Variants in GSE1 observed in about 807,000 individuals in gnomAD.
The protein encoded by GSE1 is genetic suppressor element 1.
In GSE1, 32 loss-of-function variants were observed where a neutral mutation model predicts 112.6. That is an observed-to-expected ratio of 0.28 (90% CI 0.21 to 0.38). The LOEUF (loss-of-function observed/expected upper bound fraction) is 0.38, where lower values mean the gene tolerates loss of function less well. GSE1 is among the 10% of genes least tolerant of loss of function. The pLI is 1.00. For missense variants in GSE1, 2,348 were observed against 1,699.2 expected, an observed-to-expected ratio of 1.38 and a Z score of -6.71; for synonymous variants, 1,115 against 735.6, an observed-to-expected ratio of 1.52 and a Z score of -8.35.
chr16:85,449,509 A>G (rs1233749047), intron 2 of GSE1, among the ~76,000 whole-genome samples: 1 of 152,242 alleles, frequency 6.6e-6, no homozygotes, highest in Non-Finnish European at 1.5e-5. Flanking sequence ...TGAGAATCCA[A>G]TTTCCATAGG....
At chr16:85,538,867 C>T (rs554826026) in intron 2 of GSE1, among the ~76,000 whole-genome samples, 129 of 152,316 alleles carry the variant, frequency 8.5e-4, no homozygotes, top group Non-Finnish European at 1.5e-3. Context: ...CTCCCCATCT[C>T]CCACCAGTCC....
At chr16:85,549,620 G>T (rs551348030) in intron 2 of GSE1, among the ~76,000 whole-genome samples, 4 of 152,330 alleles carry the variant, frequency 2.6e-5, no homozygotes, top group African/African-American at 9.6e-5. Flanking sequence ...CTCCCACCAA[G>T]CAAAGGTAAA....
intron 1 of GSE1, among the ~76,000 whole-genome samples, chr16:85,325,558 T>C (rs936319517): frequency 2.0e-5 from 3 of 151,334 alleles, no homozygotes; most frequent in African/African-American, 4.9e-5. Flanking sequence ...TTCAAGTGGT[T>C]CTCCTGCCTC....
At chr16:85,617,707 A>G (rs929844903) in intron 1 of GSE1, among the ~76,000 whole-genome samples, 6 of 149,290 alleles carry the variant, frequency 4.0e-5, no homozygotes, top group African/African-American at 1.2e-4. Context: ...GAGCTTTTCA[A>G]TGCTTGGCCC....
At chr16:85,657,696 G>A (rs2052085696) in intron 8 of GSE1, 92 bp downstream of exon 8, 1 of 805,154 alleles carries the variant, frequency 1.2e-6, no homozygotes, top group Non-Finnish European at 1.8e-6. Flanking sequence ...CCAACATCCT[G>A]CCCCAGCGTT....
intron 1 of GSE1, among the ~76,000 whole-genome samples, chr16:85,264,510 C>T (rs1413043029): frequency 6.6e-6 from 1 of 152,160 alleles, no homozygotes; most frequent in Non-Finnish European, 1.5e-5. Flanking sequence ...CGACTCTCCT[C>T]TGCACCTGCC....
intron 2 of GSE1, among the ~76,000 whole-genome samples, chr16:85,409,380 G>T (rs1200861745): frequency 7.1e-5 from 2 of 28,248 alleles, no homozygotes; most frequent in African/African-American, 3.9e-4. Context: ...CAGGCCCCCT[G>T]GATAATCCTC....
At chr16:85,352,973 T>C (rs1474765043) in intron 1 of GSE1, among the ~76,000 whole-genome samples, 1 of 152,260 alleles carries the variant, frequency 6.6e-6, no homozygotes, top group Non-Finnish European at 1.5e-5. Context: ...GGCCAGGCAC[T>C]GTTCTAGAAC....
intron 2 of GSE1, among the ~76,000 whole-genome samples, chr16:85,493,544 G>A (rs963074259): frequency 1.3e-5 from 2 of 151,592 alleles, no homozygotes; most frequent in African/African-American, 2.4e-5. Flanking sequence ...TCCTGAGGTC[G>A]GGAGTTCAAG....
At chr16:85,638,879 C>T (rs1289358115) in intron 2 of GSE1, among the ~76,000 whole-genome samples, 1 of 152,226 alleles carries the variant, frequency 6.6e-6, no homozygotes. Flanking sequence ...CCGTCAATGG[C>T]TCTGGGCCGG....
intron 2 of GSE1, among the ~76,000 whole-genome samples, chr16:85,636,688 CGG>C (rs35534845): frequency 2.2e-4 from 33 of 151,636 alleles, no homozygotes; most frequent in African/African-American, 6.8e-4. Flanking sequence ...TGGGCCTTCC[CGG>C]GGGGGGGCTG....
chr16:85,645,060 G>A (rs976984671), intron 2 of GSE1, among the ~76,000 whole-genome samples: 4 of 151,310 alleles, frequency 2.6e-5, no homozygotes, highest in East Asian at 1.9e-4. Flanking sequence ...GTGGTGCCCC[G>A]CCCTGCAGCC....
chr16:85,510,025 G>C lies in GSE1; in HGVS notation c.2465-123889G>C, dbSNP rs898030626. ...GAACCGCATTGAATGTGACTCCAAA[G>C]AGAGAGGCTTTATTAGGCCAAGCCG... On this transcript the variant is annotated intron_variant, in intron 2 of 2. Transcript: ENST00000637419. 5.3e-5 allele frequency among the ~76,000 whole-genome samples: 8 copies of C among 152,358 alleles called. No individual in the cohort carries two copies. The South Asian group carries it at 1.2e-3, about 24-fold the overall frequency.
intron 2 of GSE1, among the ~76,000 whole-genome samples, chr16:85,520,327 C>T (rs1282914869): frequency 6.6e-6 from 1 of 151,914 alleles, no homozygotes; most frequent in African/African-American, 2.4e-5. Flanking sequence ...GTGAGGATTT[C>T]AACACAGGAA....
At chr16:85,630,623 T>G (rs934111866) in intron 1 of GSE1, among the ~76,000 whole-genome samples, 1 of 152,218 alleles carries the variant, frequency 6.6e-6, no homozygotes, top group African/African-American at 2.4e-5. Context: ...GGATGAATGT[T>G]TTTAACCATT....
chr16:85,537,682 A>G (rs1424849486), intron 2 of GSE1, among the ~76,000 whole-genome samples: 2 of 152,244 alleles, frequency 1.3e-5, no homozygotes, highest in Non-Finnish European at 2.9e-5. Flanking sequence ...TGACTTGTCC[A>G]GTCACTGTGT....
exon 1 of GSE1, chr16:85,171,414 G>A (rs1368999869): frequency 1.0e-6 from 1 of 985,520 alleles, no homozygotes; most frequent in Non-Finnish European, 1.2e-6. Context: ...CCGTGTACCC[G>A]CCTGCCCCTC....
chr16:85,567,897 A>AT (rs957534359), intron 1 of GSE1, among the ~76,000 whole-genome samples: 14 of 151,870 alleles, frequency 9.2e-5, no homozygotes, highest in African/African-American at 3.1e-4. Flanking sequence ...TAATTTTTAA[A>AT]TTTTTTTGTA....
At chr16:85,613,009 T>A (rs374079385), upstream of GSE1, 31 of 276,242 alleles carry the variant, frequency 1.1e-4, no homozygotes, top group East Asian at 2.6e-3. Flanking sequence ...GGGTGGCACC[T>A]CCGCGGCCCC....
Sources: gnomAD v4.1 joint callset for allele counts (sites outside exome capture counted in the v4.1 genomes callset) on GRCh38, gnomAD v4.1.1 for gene constraint, MANE v1.5 for transcripts, NCBI Gene and HGNC (gene_info 2026-07-23, HGNC 2026-07-21) for gene names.